XPO7: variants seen among roughly 807,000 people sequenced by gnomAD.
XPO7 encodes exportin-7.
A neutral mutation model predicts 144.3 loss-of-function variants in XPO7; 21 were observed. That is an observed-to-expected ratio of 0.15 (90% CI 0.10 to 0.21). XPO7 has a LOEUF of 0.21. Among genes scored for constraint, XPO7 ranks in the 10% least tolerant of loss-of-function variants. The pLI is 1.00. For synonymous variants in XPO7, 580 were observed against 499.6 expected (o/e 1.16, Z -2.15); for missense variants, 808 against 1,325.8 (o/e 0.61, Z 6.06).
chr8:21,999,500 G>A, intron 23 of XPO7, 36 bp from the exon 24 acceptor site: 1 of 1,613,260 alleles, frequency 6.2e-7, no homozygotes, highest in South Asian at 1.1e-5. Context: ...AGTGCATAGT[G>A]CCTAAGCTGA....
intron 1 of XPO7, chr8:21,921,536 C>T (rs747035113): frequency 5.3e-5 from 8 of 152,092 alleles, no homozygotes; most frequent in Admixed American, 5.2e-4. Context: ...TTAATGTGAT[C>T]TCCCACATTT....
intron 9 of XPO7, among the ~76,000 whole-genome samples, chr8:21,980,561 C>T (rs1812371508): frequency 2.0e-5 from 3 of 152,126 alleles, no homozygotes; most frequent in African/African-American, 4.8e-5. Flanking sequence ...CACTTGAGGT[C>T]AGGAGCTCAA....
intron 1 of XPO7, chr8:21,964,466 G>A (rs1480555455): frequency 6.6e-6 from 1 of 152,156 alleles, no homozygotes; most frequent in Admixed American, 6.5e-5. Flanking sequence ...GAAAACACTG[G>A]TAACTAAAAA....
chr8:21,969,554 A>C lies in XPO7; in HGVS notation c.237A>C (p.Pro79=), dbSNP rs371384402. 1.5e-5 allele frequency: 25 copies of C among 1,613,454 alleles called. No individual in the cohort carries two copies. The highest frequency in any genetic ancestry group is 3.3e-4 in the Middle Eastern group (2 of 6,084). The change falls in exon 3 of 28, where the codon CCA becomes CCC. Residue 79 remains proline (P), a synonymous_variant. Transcript: ENST00000252512. ...TATCACGCACAAACAACCCCCTACC[A>C]TTGGAACAGCGAATAGATATTCGTA... ...KLVSRTNNPL[P]LEQRIDIRNY...
intron 24 of XPO7, 133 bp from the exon 25 acceptor site, chr8:22,001,979 A>T: frequency 2.0e-6 from 2 of 995,010 alleles, no homozygotes; most frequent in Non-Finnish European, 2.9e-6. Flanking sequence ...TAAGAGGTTA[A>T]CAGGAGTCAT....
intron 2 of XPO7, 82 bp from the exon 3 acceptor site, chr8:21,969,401 T>G: frequency 8.3e-7 from 1 of 1,206,886 alleles, no homozygotes; most frequent in South Asian, 1.4e-5. Context: ...TTCTTGAATC[T>G]GAGCAGAGAT....
At chr8:21,985,217 G>C (rs17060709) in intron 12 of XPO7, among the ~76,000 whole-genome samples, 32,165 of 152,134 alleles carry the variant, frequency 0.21, 4,975 homozygotes, top group African/African-American at 0.44. Flanking sequence ...CAGGCCAAGA[G>C]GTTTATGACT....
chr8:21,942,173 A>C (rs1416398387), intron 1 of XPO7, among the ~76,000 whole-genome samples: 1 of 152,216 alleles, frequency 6.6e-6, no homozygotes, highest in African/African-American at 2.4e-5. Flanking sequence ...TGTAAGTCCT[A>C]CTGTGTTTAA....
At chr8:21,978,170 A>G (rs1812288306) in intron 8 of XPO7, among the ~76,000 whole-genome samples, 1 of 152,162 alleles carries the variant, frequency 6.6e-6, no homozygotes, top group South Asian at 2.1e-4. Flanking sequence ...TAGTTGAACT[A>G]TTAAGATTGT....
At chr8:21,923,699 G>C (rs1046333735) in intron 1 of XPO7, among the ~76,000 whole-genome samples, 1 of 151,650 alleles carries the variant, frequency 6.6e-6, no homozygotes, top group East Asian at 1.9e-4. Flanking sequence ...GAAGATCCCT[G>C]TTCTATATCT....
chr8:21,969,725 G>A, intron 3 of XPO7, 149 bp downstream of exon 3: 1 of 820,490 alleles, frequency 1.2e-6, no homozygotes. Flanking sequence ...CCAGAATTTG[G>A]GGCTTATGAA....
chr8:21,972,559 C>T (rs992816182), intron 5 of XPO7, among the ~76,000 whole-genome samples: 1 of 152,154 alleles, frequency 6.6e-6, no homozygotes, highest in Non-Finnish European at 1.5e-5. Context: ...CTTTTGTGTG[C>T]CCCTTCTGCT....
At chr8:21,951,917 C>T (rs930766350) in intron 1 of XPO7, among the ~76,000 whole-genome samples, 7 of 152,182 alleles carry the variant, frequency 4.6e-5, no homozygotes, top group African/African-American at 1.7e-4. Flanking sequence ...TGAAGAGACA[C>T]AGCAGTTAAT....
chr8:21,924,815 C>T (rs1333985578), intron 1 of XPO7, among the ~76,000 whole-genome samples: 1 of 152,168 alleles, frequency 6.6e-6, no homozygotes, highest in East Asian at 1.9e-4. Context: ...TTCAGGACCA[C>T]GATAAATGTT....
chr8:21,923,653 C>G (rs1297413137), intron 1 of XPO7, among the ~76,000 whole-genome samples: 2 of 152,162 alleles, frequency 1.3e-5, no homozygotes, highest in Non-Finnish European at 2.9e-5. Context: ...ATGGAAGAAT[C>G]TCTAATTTAG....
chr8:21,971,978 AT>A (rs763594597), intron 5 of XPO7, 37 bp downstream of exon 5: 2 of 1,599,312 alleles, frequency 1.3e-6, no homozygotes, highest in East Asian at 4.5e-5. Context: ...AGTAAGTGCC[AT>A]ATTTTTTCTT....
At chr8:21,924,695 T>A (rs1160139838) in intron 1 of XPO7, among the ~76,000 whole-genome samples, 3 of 152,198 alleles carry the variant, frequency 2.0e-5, no homozygotes, top group African/African-American at 7.2e-5. Context: ...TTCATGAACC[T>A]TGATAACTAG....
rs753482691 is a variant in XPO7 at position 21,990,938 on chromosome 8, G to C, written c.2041+19G>C. ...GATTTAGGTACCGTAAGAAATCGTA[G>C]TGGCTCATGAAGTCATCTGGCACTC... On this transcript the variant is annotated intron_variant, in intron 18 of 27. Coordinates refer to ENST00000252512, the MANE Select transcript of XPO7 (RefSeq NM_015024.5). The C allele has an allele frequency of 1.2e-6, 2 of 1,609,638 alleles. No homozygotes were observed. Among genetic ancestry groups the C allele is most frequent in the East Asian group, 2.2e-5 (1 of 44,848 alleles).
At chr8:21,923,597 G>A (rs1045323378) in intron 1 of XPO7, among the ~76,000 whole-genome samples, 1 of 152,120 alleles carries the variant, frequency 6.6e-6, no homozygotes, top group African/African-American at 2.4e-5. Flanking sequence ...ATACGTGTGG[G>A]ATCATTCAAA....
Sources: gnomAD v4.1 joint callset for allele counts (sites outside exome capture counted in the v4.1 genomes callset) on GRCh38, gnomAD v4.1.1 for gene constraint, MANE v1.5 for transcripts, NCBI Gene and HGNC (gene_info 2026-07-23, HGNC 2026-07-21) for gene names.